The following HPSE2 variants were observed in gnomAD, a reference collection of about 807,000 sequenced individuals.
The protein encoded by HPSE2 is heparanase 2 (inactive).
HPSE2 carries 38 observed loss-of-function variants against 60.5 expected under a neutral mutation model. The ratio of observed to expected loss-of-function variants is 0.63; its 90% CI spans 0.48 to 0.82. The LOEUF is 0.82. HPSE2 is among the 40% of genes least tolerant of loss of function. HPSE2 has a pLI of 0.00. For missense variants in HPSE2, 713 were observed against 740.4 expected (o/e 0.96, Z 0.43); for synonymous variants, 295 against 293.2 (o/e 1.01, Z -0.06).
intron 3 of HPSE2, among the ~76,000 whole-genome samples, chr10:98,983,064 A>G (rs541509376): frequency 6.6e-4 from 100 of 152,342 alleles, no homozygotes; most frequent in African/African-American, 2.3e-3. Context: ...AATGTGCTAA[A>G]CCAGCAGTCC....
At chr10:99,025,599 A>G (rs186377950) in intron 3 of HPSE2, among the ~76,000 whole-genome samples, 22 of 152,304 alleles carry the variant, frequency 1.4e-4, no homozygotes, top group African/African-American at 5.1e-4. Context: ...CTAACACAGG[A>G]ACAAAAAACT....
chr10:98,870,645 T>G (rs1952707477), intron 3 of HPSE2, among the ~76,000 whole-genome samples: 1 of 152,196 alleles, frequency 6.6e-6, no homozygotes, highest in Admixed American at 6.6e-5. Flanking sequence ...GTTTATACCC[T>G]GGCTCGGACA....
rs149719953 is a variant in HPSE2 at position 99,036,023 on chromosome 10, C to T, written c.610+108215G>A. 3.6e-3 allele frequency among the ~76,000 whole-genome samples: 542 copies of T among 152,094 alleles called. 2 individuals carry two copies. The highest frequency in any genetic ancestry group is 5.9e-3 in the Admixed American group (90 of 15,256). ...GCCAGGAGCTCAAGACCAGACAGGG[C>T]AACAAAGCAAGACCCTGTTCCTACA... On this transcript the variant is annotated intron_variant, in intron 3 of 11. Transcript: ENST00000370552.
intron 3 of HPSE2, among the ~76,000 whole-genome samples, chr10:98,875,088 A>G (rs899405645): frequency 6.6e-6 from 1 of 151,944 alleles, no homozygotes; most frequent in Non-Finnish European, 1.5e-5. Flanking sequence ...AAAGATCTCA[A>G]ATTGACACCC....
intron 3 of HPSE2, among the ~76,000 whole-genome samples, chr10:99,041,902 A>G (rs546202650): frequency 2.6e-4 from 39 of 152,302 alleles, no homozygotes; most frequent in African/African-American, 9.1e-4. Context: ...AGCCTCCAAC[A>G]TGCTGCAGCT....
At chr10:98,852,660 C>T (rs985223860) in intron 3 of HPSE2, among the ~76,000 whole-genome samples, 2 of 152,214 alleles carry the variant, frequency 1.3e-5, no homozygotes, top group Non-Finnish European at 2.9e-5. Context: ...TACATTTCTA[C>T]ATGGCTGTCC....
intron 3 of HPSE2, among the ~76,000 whole-genome samples, chr10:98,835,302 T>C (rs1483688473): frequency 6.6e-6 from 1 of 152,036 alleles, no homozygotes; most frequent in Non-Finnish European, 1.5e-5. Flanking sequence ...ACAAGCAAAC[T>C]GTAAGAAACA....
At chr10:99,099,387 G>A (rs562936427) in intron 3 of HPSE2, among the ~76,000 whole-genome samples, 5 of 152,304 alleles carry the variant, frequency 3.3e-5, no homozygotes, top group South Asian at 2.1e-4. Flanking sequence ...GTGGAGTCTC[G>A]CTCATTGCTA....
intron 5 of HPSE2, among the ~76,000 whole-genome samples, chr10:98,721,239 T>C (rs577070442): frequency 2.0e-5 from 3 of 152,326 alleles, no homozygotes; most frequent in East Asian, 3.9e-4. Context: ...CCAGTATTTG[T>C]AGTGTTTTGC....
chr10:98,561,165 G>T lies in HPSE2; in HGVS notation c.1320+53739C>A, dbSNP rs199564082. ...GAAAGTGATACTGGTTTTTTTTTTT[G>T]TTCTTTTTTTTGTTTTTTTGACACA... On this transcript the variant is annotated intron_variant, in intron 9 of 11. Transcript: ENST00000370552. Among the ~76,000 whole-genome samples, 118 of 145,068 alleles carry T rather than the reference G, an allele frequency of 8.1e-4. 1 individual carries two copies. The highest frequency in any genetic ancestry group is 1.2e-3 in the East Asian group (6 of 4,882).
At chr10:99,311,828 A>G in the HPSE2 span, among the ~76,000 whole-genome samples, 2 of 152,254 alleles carry the variant, frequency 1.3e-5, no homozygotes, top group Non-Finnish European at 2.9e-5. Context: ...ATCTTGTGCC[A>G]AAGTTAGCCA....
At chr10:98,606,037 GTAAT>G (rs1945575385) in intron 9 of HPSE2, among the ~76,000 whole-genome samples, 1 of 152,106 alleles carries the variant, frequency 6.6e-6, no homozygotes, top group African/African-American at 2.4e-5. Flanking sequence ...TCAGAATTTT[GTAAT>G]TAATTGTTAG....
intron 3 of HPSE2, among the ~76,000 whole-genome samples, chr10:99,057,885 T>C (rs1219167894): frequency 6.6e-6 from 1 of 150,996 alleles, no homozygotes; most frequent in Non-Finnish European, 1.5e-5. Flanking sequence ...CACATTGTCT[T>C]ACAAGACAAG....
intron 10 of HPSE2, among the ~76,000 whole-genome samples, chr10:98,484,198 T>C (rs890393670): frequency 6.6e-6 from 1 of 151,904 alleles, no homozygotes; most frequent in Non-Finnish European, 1.5e-5. Context: ...CTTCCTTCCT[T>C]CCTTCTTTTT....
rs1313768099 is a variant in HPSE2, at chr10:98,940,325, C to T, written c.611-196269G>A. Among the ~76,000 whole-genome samples the T allele has an allele frequency of 4.2e-5, 6 of 142,738 alleles. 1 individual carries two copies. Among genetic ancestry groups the T allele is most frequent in the African/African-American group, 1.4e-4 (5 of 34,918 alleles). 93.6% of individuals were successfully genotyped at this position (142,738 alleles called of 152,430 possible). Reference sequence around the variant, plus strand: ...TTTTTGAAAGGATCAACAAAATTGACAGACTGCTAGCAAGACTAATAAAGA... The same window carrying T: ...TTTTTGAAAGGATCAACAAAATTGATAGACTGCTAGCAAGACTAATAAAGA... On this transcript the variant is annotated intron_variant, in intron 3 of 11. Coordinates refer to ENST00000370552, the MANE Select transcript of HPSE2 (RefSeq NM_021828.5).
At chr10:99,223,121 T>C (rs1324697944) in intron 2 of HPSE2, among the ~76,000 whole-genome samples, 1 of 152,138 alleles carries the variant, frequency 6.6e-6, no homozygotes, top group Non-Finnish European at 1.5e-5. Context: ...GGTTTAATGA[T>C]TGATATCACT....
intron 3 of HPSE2, among the ~76,000 whole-genome samples, chr10:98,766,775 A>C (rs1050937467): frequency 2.6e-5 from 4 of 152,082 alleles, no homozygotes; most frequent in African/African-American, 9.7e-5. Context: ...AAATACAAAA[A>C]TTAGCTGGGC....
At chr10:98,461,676 A>G (rs1940295582) in intron 11 of HPSE2, 2 of 926,014 alleles carry the variant, frequency 2.2e-6, no homozygotes, top group Admixed American at 2.2e-5. Flanking sequence ...TTTCTAAGGC[A>G]TACTCAAATT....
intron 3 of HPSE2, among the ~76,000 whole-genome samples, chr10:98,744,387 C>T (rs1408504789): frequency 6.6e-6 from 1 of 152,112 alleles, no homozygotes; most frequent in Non-Finnish European, 1.5e-5. Context: ...ATTTGCTGGG[C>T]GTGGTGGTGT....
Sources: allele counts gnomAD v4.1 joint callset (sites outside exome capture counted in the v4.1 genomes callset), GRCh38; gene constraint gnomAD v4.1.1; transcripts MANE v1.5; gene names NCBI Gene and HGNC (gene_info 2026-07-23, HGNC 2026-07-21).